ASXL2: variants seen among roughly 807,000 people sequenced by gnomAD.
ASXL2 encodes the protein putative Polycomb group protein ASXL2.
ASXL2 carries 23 observed loss-of-function variants against 122.0 expected under a neutral mutation model. The ratio of observed to expected loss-of-function variants is 0.19; its 90% CI spans 0.14 to 0.27. The LOEUF is 0.27. Ranked by LOEUF, ASXL2 falls within the 10% of genes least tolerant of loss-of-function variation. The probability of loss-of-function intolerance (pLI) is 1.00; values close to 1 mark genes in which losing one functional copy is unlikely to be tolerated. For synonymous variants in ASXL2, 650 were observed against 637.0 expected (o/e 1.02, Z -0.31); for missense variants, 1,518 against 1,713.8 (o/e 0.89, Z 2.02).
chr2:25,753,206 G>A (rs1465581928), intron 11 of ASXL2, among the ~76,000 whole-genome samples: 2 of 150,278 alleles, frequency 1.3e-5, no homozygotes, highest in Non-Finnish European at 3.0e-5. Context: ...CTGACCTCAG[G>A]AGTTCGCCTC....
chr2:25,779,604 C>T (rs894540058), intron 5 of ASXL2, among the ~76,000 whole-genome samples: 1 of 152,126 alleles, frequency 6.6e-6, no homozygotes, highest in Non-Finnish European at 1.5e-5. Context: ...GTCTTGTCTC[C>T]CATACCTAAG....
intron 11 of ASXL2, among the ~76,000 whole-genome samples, chr2:25,752,949 T>C (rs1574397118): frequency 6.6e-6 from 1 of 151,678 alleles, no homozygotes; most frequent in Admixed American, 6.6e-5. Context: ...GGACTCTTAA[T>C]TCAAAGTTTT....
chr2:25,878,251 C>A lies in ASXL2; in HGVS notation c.-29G>T. 1 of 1,612,982 alleles carries A rather than the reference C, an allele frequency of 6.2e-7. No homozygotes were observed. The highest frequency in any genetic ancestry group is 8.5e-7 in the Non-Finnish European group (1 of 1,179,284). Reference sequence around the variant, plus strand: ...GGGTCTTGAACTGACTGGGAGGCTCCCGTGTCCGGGCTCCGGCCGCCCTCC... The same window carrying A: ...GGGTCTTGAACTGACTGGGAGGCTCACGTGTCCGGGCTCCGGCCGCCCTCC... On this transcript the variant is annotated 5_prime_UTR_variant, in exon 1 of 13. Transcript: ENST00000435504.
At chr2:25,761,025 C>T (rs1208990234) in intron 8 of ASXL2, among the ~76,000 whole-genome samples, 2 of 152,032 alleles carry the variant, frequency 1.3e-5, no homozygotes, top group Non-Finnish European at 2.9e-5. Flanking sequence ...ACTATATAGC[C>T]AAACAATTTA....
At chr2:25,791,663 ATATATGTTTTCTTTC>A (rs35336850) in intron 5 of ASXL2, among the ~76,000 whole-genome samples, 1,659 of 152,160 alleles carry the variant, frequency 0.011, 30 homozygotes, top group African/African-American at 0.036. Flanking sequence ...TCTTGCCTTT[ATATATGTTTTCTTTC>A]CATAACACAT....
chr2:25,751,732 C>T (rs925495673), intron 11 of ASXL2, among the ~76,000 whole-genome samples: 4 of 151,648 alleles, frequency 2.6e-5, no homozygotes, highest in African/African-American at 9.7e-5. Flanking sequence ...TACCAAACAT[C>T]ACTTCTATAG....
Position 25,741,213 on chromosome 2 carries a change from G to C in ASXL2, c.*816C>G, listed in dbSNP as rs1255513022. 4.4e-6 allele frequency: 1 copy of C among 225,328 alleles called. No individual in the cohort carries two copies. The highest frequency in any genetic ancestry group is 8.8e-6 in the Non-Finnish European group (1 of 113,270). 14.0% of individuals were successfully genotyped at this position (225,328 alleles called of 1,614,324 possible). On this transcript the variant is annotated 3_prime_UTR_variant, in exon 13 of 13. Coordinates refer to ENST00000435504, the MANE Select transcript of ASXL2 (RefSeq NM_018263.6). Reference sequence around the variant, plus strand: ...AGTGCGGGGATAGGGTATTTTTGCTGGAATTGTTGCACTGCACAGCCTGTA... The same window carrying C: ...AGTGCGGGGATAGGGTATTTTTGCTCGAATTGTTGCACTGCACAGCCTGTA...
chr2:25,878,427 C>G lies in ASXL2; in HGVS notation c.-205G>C, dbSNP rs918918994. ...GCGGCCGGTCCTCTTGCTGCCGTTG[C>G]CACTGCTACCGCCGCTGCCATATTG... is the stretch of plus-strand genomic sequence containing the variant. On this transcript the variant is annotated 5_prime_UTR_variant, in exon 1 of 13. Transcript: ENST00000435504. 3 of 597,830 alleles carry G rather than the reference C, an allele frequency of 5.0e-6. No homozygotes were observed. The highest frequency in any genetic ancestry group is 1.9e-5 in the African/African-American group (1 of 53,518). The allele number at this position is 597,830 out of a possible 1,614,324, so 37.0% of individuals were successfully genotyped here. A position where few individuals can be genotyped will look rare whatever the true frequency, so the allele number is the denominator to read the frequency against.
At chr2:25,768,924 T>C (rs963170430) in intron 6 of ASXL2, 56 bp from the exon 7 acceptor site, 5 of 1,544,674 alleles carry the variant, frequency 3.2e-6, no homozygotes, top group Non-Finnish European at 4.4e-6. Context: ...TTAGTAATAA[T>C]ATAAATTACT....
chr2:25,751,483 A>T (rs1456171542), intron 11 of ASXL2, among the ~76,000 whole-genome samples: 1 of 152,058 alleles, frequency 6.6e-6, no homozygotes, highest in Middle Eastern at 3.4e-3. Context: ...AAAATACAAT[A>T]ATTAGCTGGG....
intron 2 of ASXL2, among the ~76,000 whole-genome samples, chr2:25,843,132 C>T (rs897685080): frequency 5.9e-5 from 9 of 151,664 alleles, no homozygotes; most frequent in Non-Finnish European, 1.0e-4. Context: ...AACCACGTCT[C>T]TAATAAAAAT....
At chr2:25,778,018 T>C (rs533467029) in intron 5 of ASXL2, among the ~76,000 whole-genome samples, 23 of 152,330 alleles carry the variant, frequency 1.5e-4, no homozygotes, top group African/African-American at 5.5e-4. Context: ...GAAATTTAAT[T>C]AGTTTGCCAA....
chr2:25,782,627 T>C (rs1482042399), intron 5 of ASXL2, among the ~76,000 whole-genome samples: 1 of 152,164 alleles, frequency 6.6e-6, no homozygotes, highest in Non-Finnish European at 1.5e-5. Context: ...TCTTGACTCA[T>C]TCTGGCTAAA....
chr2:25,809,417 T>TG (rs1438670934), intron 3 of ASXL2, among the ~76,000 whole-genome samples: 2 of 152,188 alleles, frequency 1.3e-5, no homozygotes, highest in Non-Finnish European at 2.9e-5. Context: ...CTTTCTGGTT[T>TG]GGGGGGTACT....
chr2:25,794,619 T>C (rs1009707393), intron 5 of ASXL2, among the ~76,000 whole-genome samples: 3 of 152,220 alleles, frequency 2.0e-5, no homozygotes, highest in Non-Finnish European at 4.4e-5. Flanking sequence ...CAAAGTTCTA[T>C]TCTCTGTTCC....
At chr2:25,836,040 TCATTACTAATCCTTCTTGA>T (rs2089506877) in intron 2 of ASXL2, among the ~76,000 whole-genome samples, 1 of 152,240 alleles carries the variant, frequency 6.6e-6, no homozygotes, top group African/African-American at 2.4e-5. Flanking sequence ...GTCATTTTTT[TCATTACTAATCCTTCTTGA>T]CATCCCTACC....
intron 9 of ASXL2, among the ~76,000 whole-genome samples, chr2:25,758,687 T>G (rs547364740): frequency 1.3e-4 from 20 of 151,910 alleles, no homozygotes; most frequent in South Asian, 2.1e-4. Flanking sequence ...TTTGTTTTTT[T>G]TTTTTTTTAA....
At chr2:25,868,379 C>T (rs1366071075) in intron 1 of ASXL2, among the ~76,000 whole-genome samples, 4 of 152,194 alleles carry the variant, frequency 2.6e-5, no homozygotes, top group Non-Finnish European at 4.4e-5. Flanking sequence ...AGTCAGTAGC[C>T]AAGAAATTTT....
In ASXL2 at chr2:25,744,312, G is replaced by C. The variant is rs764791680; in HGVS notation, c.2025C>G (p.Ala675=). 1.2e-6 allele frequency: 2 copies of C among 1,611,608 alleles called. No homozygotes were observed. Among genetic ancestry groups the C allele is most frequent in the South Asian group, 2.2e-5 (2 of 90,970 alleles). Reference sequence around the variant, plus strand: ...CGGCTGCAGCAGCTGCGGCGGCAGCGGCAGCTGCTGCCCTCTGTGCTTTGA... The same window carrying C: ...CGGCTGCAGCAGCTGCGGCGGCAGCCGCAGCTGCTGCCCTCTGTGCTTTGA... ...QLVKAQRAAA[A]AAAAAAAAAS... is the part of the protein sequence containing the mutation. Residue 675 remains alanine, a synonymous_variant, in exon 13 of 13, where the codon GCC becomes GCG. Coordinates refer to ENST00000435504, the MANE Select transcript of ASXL2 (RefSeq NM_018263.6). This position sits in a 1 kb window ranked among gnomAD's most constrained non-coding sequence, Gnocchi z 4.7.
Sources: gnomAD v4.1 joint callset for allele counts (sites outside exome capture counted in the v4.1 genomes callset) on GRCh38, gnomAD v4.1.1 for gene constraint, Gnocchi (gnomAD v3.1) non-coding constraint, MANE v1.5 for transcripts, NCBI Gene and HGNC (gene_info 2026-07-23, HGNC 2026-07-21) for gene names.